Variants in SCD5 observed in about 807,000 individuals in gnomAD.
The protein encoded by SCD5 is stearoyl-CoA desaturase 5, also known as acyl-CoA-desaturase 4.
Under a neutral mutation model 30.4 loss-of-function variants are expected in SCD5, and 20 were observed. The ratio of observed to expected loss-of-function variants is 0.66; its 90% CI spans 0.46 to 0.96. The LOEUF (loss-of-function observed/expected upper bound fraction) is 0.96. Ranked by LOEUF, SCD5 falls within the 40% of genes least tolerant of loss-of-function variation. SCD5 has a pLI of 0.00. For missense variants in SCD5, 381 were observed against 443.3 expected (o/e 0.86, Z 1.26); for synonymous variants, 173 against 176.4 (o/e 0.98, Z 0.16).
chr4:82,798,708 AG>A lies in SCD5; in HGVS notation c.-172del. On this transcript the variant is annotated 5_prime_UTR_variant, in exon 1 of 5. Coordinates refer to ENST00000319540, the MANE Select transcript of SCD5 (RefSeq NM_001037582.3). ...CTCCTGCGCTCTTCCCCAGGGTCTT[AG>A]CGTGGCCTAGGGATGCAGATCTTGG... 1 of 615,962 alleles carries A rather than the reference AG, an allele frequency of 1.6e-6. No individual in the cohort carries two copies. Among genetic ancestry groups the A allele is most frequent in the Non-Finnish European group, 2.8e-6 (1 of 363,206 alleles). 38.2% of individuals were successfully genotyped at this position (615,962 alleles called of 1,614,324 possible). A position where few individuals can be genotyped will look rare whatever the true frequency, so the allele number is the denominator to read the frequency against.
At chr4:82,702,210 T>G (rs1280378682) in intron 2 of SCD5, among the ~76,000 whole-genome samples, 1 of 140,264 alleles carries the variant, frequency 7.1e-6, no homozygotes, top group African/African-American at 2.7e-5. Context: ...AGTGGTGTGA[T>G]CTCATCTCAC....
chr4:82,745,261 T>C (rs1720955850), intron 1 of SCD5, among the ~76,000 whole-genome samples: 1 of 152,228 alleles, frequency 6.6e-6, no homozygotes, highest in Non-Finnish European at 1.5e-5. Flanking sequence ...ATTCACATTA[T>C]CTAGCCTCAC....
At chr4:82,712,058 C>G (rs1032187458) in intron 1 of SCD5, among the ~76,000 whole-genome samples, 1 of 150,344 alleles carries the variant, frequency 6.7e-6, no homozygotes, top group Non-Finnish European at 1.5e-5. Context: ...TACACAGTAA[C>G]TCATTTAATA....
intron 1 of SCD5, among the ~76,000 whole-genome samples, chr4:82,714,234 C>T (rs1292720756): frequency 2.0e-5 from 3 of 152,204 alleles, no homozygotes; most frequent in Non-Finnish European, 2.9e-5. Context: ...TTTCCCTATT[C>T]CCCTTTACAG....
rs80013297 is a variant in SCD5 at position 82,741,368 on chromosome 4, G to A, written c.233-35955C>T. On this transcript the variant is annotated intron_variant, in intron 1 of 4. Coordinates refer to ENST00000319540, the MANE Select transcript of SCD5 (RefSeq NM_001037582.3). The stretch of plus-strand genomic sequence containing the variant: ...CTTGGAGCTTGCACTTTGGTCCCTC[G>A]AAACACTGCCATGCTTGTTCTGAAA... Among the ~76,000 whole-genome samples, 780 of 152,170 alleles carry A rather than the reference G, an allele frequency of 5.1e-3. 5 individuals carry two copies. Among genetic ancestry groups the A allele is most frequent in the Non-Finnish European group, 9.0e-3 (611 of 68,004 alleles).
intron 2 of SCD5, among the ~76,000 whole-genome samples, chr4:82,689,293 T>C (rs891074910): frequency 6.6e-6 from 1 of 152,136 alleles, no homozygotes; most frequent in Non-Finnish European, 1.5e-5. Context: ...CGTGTGGTGG[T>C]GTGCATCTGT....
intron 2 of SCD5, among the ~76,000 whole-genome samples, chr4:82,682,133 T>A (rs958737790): frequency 2.0e-5 from 3 of 152,248 alleles, no homozygotes; most frequent in African/African-American, 7.2e-5. Flanking sequence ...AGGGCAGCAC[T>A]CACTGGAGCC....
At chr4:82,789,217 A>T (rs1222258349) in intron 1 of SCD5, among the ~76,000 whole-genome samples, 1 of 152,222 alleles carries the variant, frequency 6.6e-6, no homozygotes, top group Non-Finnish European at 1.5e-5. Context: ...CCATGAATTA[A>T]ACATTGCTGC....
intron 1 of SCD5, among the ~76,000 whole-genome samples, chr4:82,753,100 GA>G (rs1357340605): frequency 6.6e-6 from 1 of 151,908 alleles, no homozygotes; most frequent in Non-Finnish European, 1.5e-5. Context: ...CAGCCCCACT[GA>G]AAACCACAGG....
chr4:82,666,395 A>G (rs1728188914), intron 3 of SCD5, among the ~76,000 whole-genome samples: 1 of 152,168 alleles, frequency 6.6e-6, no homozygotes, highest in Non-Finnish European at 1.5e-5. Context: ...GGGCGCCTGT[A>G]GTCCCACCTA....
At chr4:82,693,598 G>A (rs951498503) in intron 2 of SCD5, among the ~76,000 whole-genome samples, 34 of 152,152 alleles carry the variant, frequency 2.2e-4, no homozygotes, top group African/African-American at 8.0e-4. Context: ...CACTATATTT[G>A]GAATGAAATC....
At chr4:82,774,621 A>C (rs1262958330) in intron 1 of SCD5, among the ~76,000 whole-genome samples, 52 of 152,194 alleles carry the variant, frequency 3.4e-4, no homozygotes, top group Non-Finnish European at 2.9e-5. Flanking sequence ...TTTTGAGCAC[A>C]GAAACCCACA....
chr4:82,708,968 C>A (rs2148828514), intron 1 of SCD5, among the ~76,000 whole-genome samples: 1 of 152,142 alleles, frequency 6.6e-6, no homozygotes, highest in East Asian at 1.9e-4. Flanking sequence ...GTACTTTATA[C>A]ATAGTAACTC....
intron 1 of SCD5, among the ~76,000 whole-genome samples, chr4:82,737,332 T>C (rs779367712): frequency 6.6e-6 from 1 of 152,242 alleles, no homozygotes; most frequent in Non-Finnish European, 1.5e-5. Context: ...TTTTTGACTG[T>C]TAATGCAGTA....
At chr4:82,641,419 T>A (rs753157259) in intron 3 of SCD5, among the ~76,000 whole-genome samples, 2 of 151,788 alleles carry the variant, frequency 1.3e-5, no homozygotes, top group African/African-American at 2.4e-5. Flanking sequence ...TAGTGGTAAA[T>A]ACCAGGAAGA....
At position 82,743,189 on chromosome 4, in the gene SCD5, G is replaced by A. The variant is rs906921008; in HGVS notation, c.233-37776C>T. Among the ~76,000 whole-genome samples the A allele has an allele frequency of 4.6e-5, 7 of 152,224 alleles. No individual in the cohort carries two copies. In the East Asian group the frequency reaches 1.2e-3, roughly 25 times the overall value. ...GAATTGAGACAGAGCTTGTAACTTA[G>A]AGTGACAGGAGGATAGTCTATTTCC... On this transcript the variant is annotated intron_variant, in intron 1 of 4. Transcript: ENST00000319540.
intron 1 of SCD5, among the ~76,000 whole-genome samples, chr4:82,782,034 C>T (rs183511325): frequency 3.9e-4 from 59 of 151,820 alleles, no homozygotes; most frequent in Non-Finnish European, 7.6e-4. Flanking sequence ...TAGAGCCTGG[C>T]TGTCTTTCCG....
intron 1 of SCD5, among the ~76,000 whole-genome samples, chr4:82,790,949 TG>T (rs1722086829): frequency 6.6e-6 from 1 of 152,150 alleles, no homozygotes; most frequent in South Asian, 2.1e-4. Context: ...ACTTAAAAAA[TG>T]ATTCTTGGGC....
chr4:82,723,638 G>A (rs1010050930), intron 1 of SCD5, among the ~76,000 whole-genome samples: 1 of 152,212 alleles, frequency 6.6e-6, no homozygotes, highest in Non-Finnish European at 1.5e-5. Context: ...ACCTTCTGAT[G>A]ATGAATAGGA....
Sources: gnomAD v4.1 joint callset for allele counts (sites outside exome capture counted in the v4.1 genomes callset) on GRCh38, gnomAD v4.1.1 for gene constraint, MANE v1.5 for transcripts, NCBI Gene and HGNC (gene_info 2026-07-23, HGNC 2026-07-21) for gene names.